CELSR1: variants seen among roughly 807,000 people sequenced by gnomAD.
CELSR1 encodes the protein adhesion G protein-coupled receptor C1.
In CELSR1, 110 loss-of-function variants were observed where a neutral mutation model predicts 249.1. The observed-to-expected ratio is 0.44, with a 90% CI of 0.38 to 0.52. The LOEUF (loss-of-function observed/expected upper bound fraction) is 0.52, where lower values mean the gene tolerates loss of function less well. Among genes scored for constraint, CELSR1 ranks in the 20% least tolerant of loss-of-function variants. The probability of loss-of-function intolerance (pLI) is 0.00; values close to 1 mark genes in which losing one functional copy is unlikely to be tolerated. For synonymous variants in CELSR1, 2,113 were observed against 1,900.0 expected (o/e 1.11, Z -2.92); for missense variants, 4,109 against 4,296.4 (o/e 0.96, Z 1.22).
At chr22:46,416,788 C>T (rs922637505) in intron 5 of CELSR1, among the ~76,000 whole-genome samples, 2 of 152,184 alleles carry the variant, frequency 1.3e-5, no homozygotes, top group Non-Finnish European at 2.9e-5. Context: ...CGTGCAGGCC[C>T]TCCTCCTTGG....
Position 46,390,542 on chromosome 22 carries a change from T to C in CELSR1, c.6251-56A>G, listed in dbSNP as rs561234311. The C allele has an allele frequency of 7.3e-7, 1 of 1,368,702 alleles. No individual in the cohort carries two copies. The highest frequency in any genetic ancestry group is 1.4e-5 in the African/African-American group (1 of 69,990). 84.8% of individuals were successfully genotyped at this position (1,368,702 alleles called of 1,614,324 possible). ...GAAACTCAAACTGTTGATCAATGCTTGTGTATTTCAATCCACAATCTGAAT... is the reference window on the plus strand; with the variant it reads ...GAAACTCAAACTGTTGATCAATGCTCGTGTATTTCAATCCACAATCTGAAT... On this transcript the variant is annotated intron_variant, in intron 16 of 34. Transcript: ENST00000674500. The surrounding 1 kb of genome is among the most constrained non-coding windows in gnomAD (Gnocchi z 6.3).
In CELSR1 at chr22:46,533,970, C is replaced by G. The variant is rs768043971; in HGVS notation, c.3201G>C (p.Arg1067=). The G allele has an allele frequency of 1.2e-5, 20 of 1,613,550 alleles. No individual in the cohort carries two copies. Among genetic ancestry groups the G allele is most frequent in the Non-Finnish European group, 1.7e-5 (20 of 1,180,048 alleles). The part of the protein sequence containing the change: ...RAMVELDFEV[R]REYVLVVQAT... ...CCTGCACCACCAGCACATACTCCCG[C>G]CGGACCTCAAAGTCCAGCTCCACCA... The change falls in exon 1 of 35, where the codon CGG becomes CGC. Residue 1067 remains arginine, a synonymous_variant. Transcript: ENST00000674500.
At chr22:46,375,539 C>CTTT (rs971800051) in intron 24 of CELSR1, among the ~76,000 whole-genome samples, 32 of 120,572 alleles carry the variant, frequency 2.7e-4, no homozygotes, top group East Asian at 6.7e-4. Flanking sequence ...CTGCCAGGCT[C>CTTT]TTTTTTTTTT....
chr22:46,489,796 G>C (rs920732259), intron 1 of CELSR1, among the ~76,000 whole-genome samples: 2 of 151,872 alleles, frequency 1.3e-5, no homozygotes, highest in Non-Finnish European at 2.9e-5. Flanking sequence ...TCGGGAGGCT[G>C]AGGCATGAGA....
rs985480524 is a variant in CELSR1 at position 46,469,349 on chromosome 22, C to T, written c.3545-5004G>A. On this transcript the variant is annotated intron_variant, in intron 1 of 34. Transcript: ENST00000674500. ...CGCTCTTCCTGCCCCGGGGCCTTTG[C>T]GCATCTCCTGGCTGGAGCACTGCCC... Among the ~76,000 whole-genome samples the T allele has an allele frequency of 1.8e-4, 27 of 152,270 alleles. 1 individual carries two copies. Among genetic ancestry groups the T allele is most frequent in the Middle Eastern group, 6.8e-3 (2 of 294 alleles).
intron 1 of CELSR1, chr22:46,481,551 G>A: frequency 1.6e-6 from 2 of 1,222,124 alleles, no homozygotes; most frequent in Non-Finnish European, 2.4e-6. Context: ...TCAAAGCCTG[G>A]GCTTAAGCCA....
chr22:46,382,168 G>A (rs1007512019), intron 20 of CELSR1, 118 bp from the exon 21 acceptor site: 34 of 963,262 alleles, frequency 3.5e-5, no homozygotes, highest in South Asian at 2.7e-4. Flanking sequence ...AAACAGTACC[G>A]TGGGTCCCCA....
chr22:46,481,601 C>A, intron 1 of CELSR1: 1 of 736,026 alleles, frequency 1.4e-6, no homozygotes, highest in Non-Finnish European at 2.4e-6. Flanking sequence ...TGCACCTGCT[C>A]CGTGGAGGCC....
Position 46,481,659 on chromosome 22 carries a change from C to A in CELSR1, c.3545-17314G>T, listed in dbSNP as rs556095416. 7 of 641,688 alleles carry A rather than the reference C, an allele frequency of 1.1e-5. No individual in the cohort carries two copies. The Admixed American group carries it at 1.5e-4, about 13-fold the overall frequency. The allele number at this position is 641,688 out of a possible 1,614,324, so 39.7% of individuals were successfully genotyped here. On this transcript the variant is annotated intron_variant, in intron 1 of 34. Coordinates refer to ENST00000674500, the MANE Select transcript of CELSR1 (RefSeq NM_001378328.1). ...TGCTGCACCAGAACATGAGACAATG[C>A]ATCTTCCAGATGTTCTCTCTCTCCA...
At position 46,396,518 on chromosome 22, in the gene CELSR1, C is replaced by T. The variant is rs1337572543; in HGVS notation, c.5843+87G>A. The T allele has an allele frequency of 7.5e-7, 1 of 1,340,712 alleles. No homozygotes were observed. The highest frequency in any genetic ancestry group is 9.7e-7 in the Non-Finnish European group (1 of 1,033,770). 83.1% of individuals were successfully genotyped at this position (1,340,712 alleles called of 1,614,324 possible). A position where few individuals can be genotyped will look rare whatever the true frequency, so the allele number is the denominator to read the frequency against. The stretch of plus-strand genomic sequence containing the variant: ...CCCAGAATCACACATATCTTTGGGT[C>T]AAAATAAGAAAGAGAAGACACTGAG... On this transcript the variant is annotated intron_variant, in intron 13 of 34. Coordinates refer to ENST00000674500, the MANE Select transcript of CELSR1 (RefSeq NM_001378328.1). The surrounding 1 kb of genome is among the most constrained non-coding windows in gnomAD (Gnocchi z 6.4).
rs780426978 is a variant in CELSR1, at chr22:46,365,314, T to C, written c.8471A>G (p.His2824Arg). The change falls in exon 32 of 35, where the codon CAC (histidine) becomes CGC (arginine). Residue 2824 changes from histidine to arginine, a missense_variant. His to Arg is a conservative substitution (Grantham distance 29). This residue lies in a region of CELSR1 where 1,805 missense variants were observed against 1,831.6 expected (regional missense o/e 0.99). Coordinates refer to ENST00000674500, the MANE Select transcript of CELSR1 (RefSeq NM_001378328.1). ...CCCATCGTCCTCGCTGTCTGACGAGTGTGAGGAGGCGTAAGAGCTGCTCTG... is the reference window on the plus strand; with the variant it reads ...CCCATCGTCCTCGCTGTCTGACGAGCGTGAGGAGGCGTAAGAGCTGCTCTG... ...DEQSSSYASS[H>R]SSDSEDDGVG... 4 of 1,612,838 alleles carry C rather than the reference T, an allele frequency of 2.5e-6. No individual in the cohort carries two copies. The highest frequency in any genetic ancestry group is 3.3e-5 in the Admixed American group (2 of 60,016).
chr22:46,414,692 C>T (rs115974491), intron 5 of CELSR1, among the ~76,000 whole-genome samples: 2,343 of 151,980 alleles, frequency 0.015, 64 homozygotes, highest in Middle Eastern at 0.055. Context: ...TGCATGGACA[C>T]GGTGCTGTGG....
chr22:46,398,612 A>C lies in CELSR1; in HGVS notation c.5438T>G (p.Leu1813Arg). Residue 1813 changes from leucine to arginine, a missense_variant, in exon 11 of 35, where the codon CTT becomes CGT. Coordinates refer to ENST00000674500, the MANE Select transcript of CELSR1 (RefSeq NM_001378328.1). This position sits in a 1 kb window ranked among gnomAD's most constrained non-coding sequence, Gnocchi z 7.2. Reference protein sequence around the residue: ...DQNKADIGGMLPGLTVRSVVV... With the variant: ...DQNKADIGGMRPGLTVRSVVV... ...CACGCTCCTTACCGTCAGCCCGGGA[A>C]GCATGCCCCCGATATCTGCCTTGTT... The C allele has an allele frequency of 6.2e-7, 1 of 1,613,976 alleles. No individual in the cohort carries two copies. The highest frequency in any genetic ancestry group is 8.5e-7 in the Non-Finnish European group (1 of 1,179,936).
chr22:46,499,615 G>A (rs549355696), intron 1 of CELSR1, among the ~76,000 whole-genome samples: 8 of 152,234 alleles, frequency 5.3e-5, no homozygotes, highest in Admixed American at 1.3e-4. Context: ...TCCCAAGGAC[G>A]GTCACCACTG....
At chr22:46,414,104 C>T (rs1569145994) in intron 5 of CELSR1, among the ~76,000 whole-genome samples, 1 of 152,154 alleles carries the variant, frequency 6.6e-6, no homozygotes, top group Non-Finnish European at 1.5e-5. Flanking sequence ...CAATGCAATC[C>T]ACGCTTGTTT....
At position 46,463,754 on chromosome 22, in the gene CELSR1, C is replaced by T. The variant is rs757658319; in HGVS notation, c.4136G>A (p.Arg1379His). Residue 1379 changes from arginine (R) to histidine (H), a missense_variant, in exon 2 of 35, where the codon CGC becomes CAC. Arg to His is a conservative substitution (Grantham distance 29, BLOSUM62 0). Around this residue, in one of 7 missense-constraint regions of CELSR1, gnomAD observed 453 missense variants for 492.0 expected, o/e 0.92. Transcript: ENST00000674500. ...SDPCGANGRC[R>H]SREGGYTCEC... ...GCAGGTGTAGCCGCCCTCGCGGCTG[C>T]GGCAGCGGCCGTTGGCGCCGCACGG... is the stretch of plus-strand genomic sequence containing the variant. 94 of 1,545,072 alleles carry T rather than the reference C, an allele frequency of 6.1e-5. No homozygotes were observed. Among genetic ancestry groups the T allele is most frequent in the South Asian group, 1.1e-4 (9 of 79,774 alleles).
intron 19 of CELSR1, among the ~76,000 whole-genome samples, chr22:46,385,975 C>CTTTTTTT (rs562430150): frequency 0.15 from 21,006 of 136,718 alleles, 2,179 homozygotes; most frequent in African/African-American, 0.22. Context: ...CCGCGCCCGG[C>CTTTTTTT]TTTTTTTTTT....
At chr22:46,368,780 C>A (rs557125773) in intron 27 of CELSR1, among the ~76,000 whole-genome samples, 37 of 151,804 alleles carry the variant, frequency 2.4e-4, no homozygotes, top group Non-Finnish European at 2.4e-4. Context: ...CACCCTCTGA[C>A]AGTGGGGTGG....
At position 46,396,643 on chromosome 22, in the gene CELSR1, C is replaced by T. The variant is rs763331212; in HGVS notation, c.5805G>A (p.Glu1935=). Residue 1935 remains glutamate (E), a synonymous_variant, in exon 13 of 35, where the codon GAG becomes GAA. Coordinates refer to ENST00000674500, the MANE Select transcript of CELSR1 (RefSeq NM_001378328.1). The surrounding 1 kb of genome is among the most constrained non-coding windows in gnomAD (Gnocchi z 6.4). ...SPGSPQGYVC[E]CGPSHYGPYC... is the part of the protein sequence containing the mutation. The stretch of plus-strand genomic sequence containing the variant: ...ACGGCCCGTAGTGACTGGGCCCACA[C>T]TCGCACACGTAGCCCTGCGGGGAGC... 9 of 1,609,174 alleles carry T rather than the reference C, an allele frequency of 5.6e-6. No individual in the cohort carries two copies. The Admixed American group carries it at 8.4e-5, about 15-fold the overall frequency.
Sources: allele counts gnomAD v4.1 joint callset (sites outside exome capture counted in the v4.1 genomes callset), GRCh38; gene constraint gnomAD v4.1.1; regional missense constraint gnomAD v4.1.1; non-coding constraint Gnocchi (gnomAD v3.1); transcripts MANE v1.5; gene names NCBI Gene and HGNC (gene_info 2026-07-23, HGNC 2026-07-21).